Variants in DNAH2 observed in about 807,000 individuals in gnomAD.
DNAH2 encodes the protein axonemal beta dynein heavy chain 2.
DNAH2 carries 323 observed loss-of-function variants against 523.5 expected under a neutral mutation model. The ratio of observed to expected loss-of-function variants is 0.62; its 90% CI spans 0.56 to 0.68. The LOEUF is 0.68. Ranked by LOEUF, DNAH2 falls within the 30% of genes least tolerant of loss-of-function variation. The pLI is 0.00. For synonymous variants in DNAH2, 2,093 were observed against 2,177.4 expected, an observed-to-expected ratio of 0.96 and a Z score of 1.08; for missense variants, 4,907 against 5,701.5, an observed-to-expected ratio of 0.86 and a Z score of 4.49.
At chr17:7,773,765 T>C (rs1365047981) in intron 28 of DNAH2, among the ~76,000 whole-genome samples, 1 of 152,170 alleles carries the variant, frequency 6.6e-6, no homozygotes, top group Non-Finnish European at 1.5e-5. Context: ...AGTCTCGCTC[T>C]GTCGCCCAGG....
At chr17:7,823,658 T>G (rs1245556727) in intron 74 of DNAH2, 30 bp downstream of exon 74, 5 of 1,607,926 alleles carry the variant, frequency 3.1e-6, no homozygotes, top group Non-Finnish European at 4.2e-6. Flanking sequence ...CACTCTCACT[T>G]TTCTCCTTCC....
In DNAH2 at chr17:7,760,936, A is replaced by G; in HGVS notation, c.2978+4A>G. ...CTTTTGTTGCCGACATTGCCCGGTG[A>G]GTGGTGAGGGTGGATTGAAAGTCTG... On this transcript the variant is annotated splice_donor_region_variant and intron_variant, in intron 18 of 85. Coordinates refer to ENST00000572933, the MANE Select transcript of DNAH2 (RefSeq NM_020877.5). This position sits in a 1 kb window ranked among gnomAD's most constrained non-coding sequence, Gnocchi z 4.0. 1 of 1,613,610 alleles carries G rather than the reference A, an allele frequency of 6.2e-7. No individual in the cohort carries two copies. Among genetic ancestry groups the G allele is most frequent in the Non-Finnish European group, 8.5e-7 (1 of 1,179,786 alleles).
At position 7,759,027 on chromosome 17, in the gene DNAH2, A is replaced by C; in HGVS notation, c.2351A>C (p.His784Pro). Reference sequence around the variant, plus strand: ...GAATTTGAAGAGGACCAAAGAGAGCATCGGGCAGCTGTACAGCAGAAATTG... The same window carrying C: ...GAATTTGAAGAGGACCAAAGAGAGCCTCGGGCAGCTGTACAGCAGAAATTG... ...DLEFEEDQRE[H>P]RAAVQQKLMN... Residue 784 changes from histidine (H) to proline (P), a missense_variant, in exon 15 of 86, where the codon CAT (histidine) becomes CCT (proline). Physicochemically the swap from His to Pro is moderately conservative, Grantham distance 77 (BLOSUM62 -2). Around this residue, in one of 3 missense-constraint regions of DNAH2, gnomAD observed 2,806 missense variants for 3,190.8 expected, o/e 0.88. Transcript: ENST00000572933. The C allele has an allele frequency of 6.2e-7, 1 of 1,614,202 alleles. No individual in the cohort carries two copies. Among genetic ancestry groups the C allele is most frequent in the Non-Finnish European group, 8.5e-7 (1 of 1,180,036 alleles).
At chr17:7,764,329 G>C (rs1332923693) in intron 20 of DNAH2, 56 bp downstream of exon 20, 3 of 1,552,932 alleles carry the variant, frequency 1.9e-6, no homozygotes, top group Admixed American at 1.9e-5. Context: ...CAGATTGCGG[G>C]GGAGGCCCTT....
At position 7,780,357 on chromosome 17, in the gene DNAH2, C is replaced by A; in HGVS notation, c.5850+73C>A. On this transcript the variant is annotated intron_variant, in intron 37 of 85. Transcript: ENST00000572933. This position sits in a 1 kb window ranked among gnomAD's most constrained non-coding sequence, Gnocchi z 4.4. ...ATTATTCCCTGGACAGAGGAGCTCC[C>A]CAAGGGCCTCACAATCAGCTTATCC... The A allele has an allele frequency of 1.9e-6, 3 of 1,596,518 alleles. No individual in the cohort carries two copies. Among genetic ancestry groups the A allele is most frequent in the South Asian group, 1.1e-5 (1 of 89,374 alleles).
chr17:7,793,177 G>A lies in DNAH2; in HGVS notation c.7541G>A (p.Arg2514His), dbSNP rs553661282. The change falls in exon 48 of 86, where the codon CGT becomes CAT. Residue 2514 changes from arginine to histidine, a missense_variant. Around this residue, in one of 3 missense-constraint regions of DNAH2, gnomAD observed 250 missense variants for 371.3 expected, o/e 0.67. Transcript: ENST00000572933. ...LWIDYGFWYD[R>H]TKQTIKYIRE... is the part of the protein sequence containing the mutation. ...ATTGACTATGGCTTCTGGTATGACC[G>A]TACGAAGCAGACCATCAAGTACATT... is the stretch of plus-strand genomic sequence containing the variant. 4.5e-5 allele frequency: 73 copies of A among 1,614,094 alleles called. No homozygotes were observed. The Admixed American group carries it at 8.0e-4, about 18-fold the overall frequency.
chr17:7,749,596 A>G (rs963037537), intron 12 of DNAH2, among the ~76,000 whole-genome samples: 1 of 152,116 alleles, frequency 6.6e-6, no homozygotes. Context: ...TTTAGGGCTT[A>G]TCTTATTATG....
chr17:7,792,573 A>T (rs981838883), intron 46 of DNAH2, 84 bp from the exon 47 acceptor site: 3 of 1,215,864 alleles, frequency 2.5e-6, no homozygotes, highest in Admixed American at 1.9e-5. Flanking sequence ...CTGATGAGAC[A>T]GTGGTGACGT....
At position 7,765,387 on chromosome 17, in the gene DNAH2, C is replaced by G; in HGVS notation, c.3337-4C>G. The G allele has an allele frequency of 6.2e-7, 1 of 1,611,284 alleles. No individual in the cohort carries two copies. The highest frequency in any genetic ancestry group is 2.2e-5 in the East Asian group (1 of 44,868). On this transcript the variant is annotated splice_region_variant and splice_polypyrimidine_tract_variant and intron_variant, in intron 20 of 85. Transcript: ENST00000572933. ...GGTCATCCTCCACTCTCTGACTCCC[C>G]CAGGTCCTGGAGATGCTGGACAGTC...
At chr17:7,763,628 T>C (rs2076069180) in intron 18 of DNAH2, among the ~76,000 whole-genome samples, 2 of 152,218 alleles carry the variant, frequency 1.3e-5, no homozygotes, top group Non-Finnish European at 2.9e-5. Flanking sequence ...TGCTATCTTA[T>C]AGCCAGTGAC....
At chr17:7,766,509 T>C (rs753302759) in intron 22 of DNAH2, 28 bp downstream of exon 22, 13 of 1,609,210 alleles carry the variant, frequency 8.1e-6, no homozygotes, top group Admixed American at 3.3e-5. Flanking sequence ...GACCCTGTGG[T>C]CACTGTCGAT....
intron 42 of DNAH2, chr17:7,787,261 G>GC: frequency 1.6e-6 from 1 of 617,960 alleles, no homozygotes; most frequent in South Asian, 2.2e-5. Context: ...TAAGCACTGT[G>GC]TAGGCTTGGG....
intron 12 of DNAH2, among the ~76,000 whole-genome samples, chr17:7,749,823 C>T (rs919597893): frequency 5.9e-5 from 9 of 151,832 alleles, no homozygotes; most frequent in African/African-American, 1.7e-4. Flanking sequence ...GGTGAAACCC[C>T]GTCTATACTA....
chr17:7,768,230 C>G lies in DNAH2; in HGVS notation c.3904C>G (p.Leu1302Val), dbSNP rs1482302018. The G allele has an allele frequency of 9.3e-6, 15 of 1,614,058 alleles. No individual in the cohort carries two copies. Among genetic ancestry groups the G allele is most frequent in the Admixed American group, 8.3e-5 (5 of 60,002 alleles). Reference sequence around the variant, plus strand: ...AGAGCAGTTCAAGAGGACCATGCCTCTCATCTCAGACCTGCGGAACCCTGC... The same window carrying G: ...AGAGCAGTTCAAGAGGACCATGCCTGTCATCTCAGACCTGCGGAACCCTGC... ...KIEQFKRTMP[L>V]ISDLRNPALR... is the part of the protein sequence containing the mutation. The change falls in exon 24 of 86, where the codon CTC becomes GTC. Residue 1302 changes from leucine to valine, a missense_variant. This residue lies in a region of DNAH2 where 2,806 missense variants were observed against 3,190.8 expected (regional missense o/e 0.88). Coordinates refer to ENST00000572933, the MANE Select transcript of DNAH2 (RefSeq NM_020877.5).
At chr17:7,802,330 T>C (rs2077245588) in intron 58 of DNAH2, among the ~76,000 whole-genome samples, 2 of 152,226 alleles carry the variant, frequency 1.3e-5, no homozygotes, top group Admixed American at 6.5e-5. Context: ...GCCTTTAATG[T>C]CTTCTAGACT....
chr17:7,768,268 G>A lies in DNAH2; in HGVS notation c.3941+1G>A, dbSNP rs892391385. The A allele has an allele frequency of 6.2e-7, 1 of 1,614,036 alleles. No homozygotes were observed. The highest frequency in any genetic ancestry group is 8.5e-7 in the Non-Finnish European group (1 of 1,180,028). On this transcript the variant is annotated splice_donor_variant, in intron 24 of 85. Transcript: ENST00000572933. LOFTEE classifies it high-confidence loss of function. ...TGCGGAACCCTGCCCTTAGAGAGAG[G>A]TGAGGCTTCTCCTCTGCTCCGGGGT... is the stretch of plus-strand genomic sequence containing the variant.
intron 77 of DNAH2, among the ~76,000 whole-genome samples, chr17:7,829,912 G>A (rs1335591176): frequency 6.6e-6 from 1 of 151,482 alleles, no homozygotes; most frequent in Non-Finnish European, 1.5e-5. Context: ...TGTAATCACA[G>A]CTACTTGGGA....
Position 7,780,765 on chromosome 17 carries a change from G to A in DNAH2, c.5986G>A (p.Asp1996Asn), listed in dbSNP as rs117487916. Residue 1996 changes from aspartate to asparagine, a missense_variant, in exon 38 of 86, where the codon GAT becomes AAT. Asp to Asn is a conservative substitution (Grantham distance 23, BLOSUM62 1). This residue lies in a region of DNAH2 where 2,806 missense variants were observed against 3,190.8 expected (regional missense o/e 0.88). Transcript: ENST00000572933. The surrounding 1 kb of genome is among the most constrained non-coding windows in gnomAD (Gnocchi z 4.4). The stretch of plus-strand genomic sequence containing the variant: ...TGGCAAGAAGCGCCGCCTACAGCCG[G>A]ATCTGACTGATGAAGAGGTAGAGCA... ...YAGKKRRLQP[D>N]LTDEEVLLLS... The A allele has an allele frequency of 0.011, 17,161 of 1,614,242 alleles. 118 individuals carry two copies. Among genetic ancestry groups the A allele is most frequent in the Non-Finnish European group, 0.013 (14,822 of 1,180,054 alleles).
chr17:7,757,056 C>A (rs969890936), intron 12 of DNAH2, 35 bp from the exon 13 acceptor site: 1 of 1,612,296 alleles, frequency 6.2e-7, no homozygotes, highest in Non-Finnish European at 8.5e-7. Context: ...TCCCCTCGTG[C>A]GGTCCCCTCA....
Sources: allele counts gnomAD v4.1 joint callset (sites outside exome capture counted in the v4.1 genomes callset), GRCh38; gene constraint gnomAD v4.1.1; regional missense constraint gnomAD v4.1.1; non-coding constraint Gnocchi (gnomAD v3.1); transcripts MANE v1.5; gene names NCBI Gene and HGNC (gene_info 2026-07-23, HGNC 2026-07-21).